The following RNGTT variants were observed in gnomAD, a reference collection of about 807,000 sequenced individuals.
RNGTT encodes RNA guanylyltransferase and 5'-phosphatase.
Under a neutral mutation model 79.3 loss-of-function variants are expected in RNGTT, and 33 were observed. The ratio of observed to expected loss-of-function variants is 0.42; its 90% CI spans 0.32 to 0.56. The LOEUF (loss-of-function observed/expected upper bound fraction) is 0.56. Ranked by LOEUF, RNGTT falls within the 20% of genes least tolerant of loss-of-function variation. The pLI is 0.17. For synonymous variants in RNGTT, 222 were observed against 235.9 expected (o/e 0.94, Z 0.54); for missense variants, 497 against 739.1 (o/e 0.67, Z 3.80).
chr6:88,804,413 G>C (rs1325995161), intron 11 of RNGTT, among the ~76,000 whole-genome samples: 3 of 152,126 alleles, frequency 2.0e-5, no homozygotes, highest in Admixed American at 6.5e-5. Context: ...GGAGGCTGAG[G>C]CAGGGGACTG....
chr6:88,707,057 A>C (rs775085114), intron 13 of RNGTT, among the ~76,000 whole-genome samples: 1 of 152,324 alleles, frequency 6.6e-6, no homozygotes, highest in East Asian at 1.9e-4. Context: ...TATTTGAGAA[A>C]TTTTGGCAAA....
intron 11 of RNGTT, among the ~76,000 whole-genome samples, chr6:88,833,217 A>G (rs1456675192): frequency 6.6e-6 from 1 of 152,244 alleles, no homozygotes; most frequent in Non-Finnish European, 1.5e-5. Flanking sequence ...AATGTGGCAC[A>G]TAGACACCAT....
intron 8 of RNGTT, among the ~76,000 whole-genome samples, chr6:88,858,567 T>A (rs1336757035): frequency 6.6e-6 from 1 of 152,200 alleles, no homozygotes; most frequent in African/African-American, 2.4e-5. Context: ...AAAAGAGCAC[T>A]TTTATTAACT....
rs927829016 is a variant in RNGTT at position 88,954,479 on chromosome 6, G to C, written c.64+8867C>G. Reference sequence around the variant, plus strand: ...ACCTAACCCTGGAGCTCCAAAATTTGTAAAGCAATTACTACTAGAGACCTA... The same window carrying C: ...ACCTAACCCTGGAGCTCCAAAATTTCTAAAGCAATTACTACTAGAGACCTA... On this transcript the variant is annotated intron_variant, in intron 1 of 15. Transcript: ENST00000369485. 2.6e-5 allele frequency among the ~76,000 whole-genome samples: 4 copies of C among 152,012 alleles called. No individual in the cohort carries two copies. In the East Asian group the frequency reaches 7.7e-4, roughly 29 times the overall value.
intron 11 of RNGTT, among the ~76,000 whole-genome samples, chr6:88,837,229 T>G (rs1219027724): frequency 1.3e-5 from 2 of 151,470 alleles, no homozygotes; most frequent in Non-Finnish European, 2.9e-5. Flanking sequence ...AGGCACTATC[T>G]CCACAAAAAA....
At chr6:88,700,198 C>A (rs1450785126) in intron 13 of RNGTT, among the ~76,000 whole-genome samples, 1 of 152,096 alleles carries the variant, frequency 6.6e-6, no homozygotes, top group East Asian at 1.9e-4. Flanking sequence ...ACTTCAAACA[C>A]ACTTCTCTGC....
intron 12 of RNGTT, among the ~76,000 whole-genome samples, chr6:88,791,408 G>A (rs1779404912): frequency 6.6e-6 from 1 of 151,536 alleles, no homozygotes; most frequent in Non-Finnish European, 1.5e-5. Flanking sequence ...CAAATTGCTG[G>A]GACCTCCAGA....
At chr6:88,623,881 G>A (rs888055586) in intron 14 of RNGTT, among the ~76,000 whole-genome samples, 5 of 152,006 alleles carry the variant, frequency 3.3e-5, no homozygotes, top group African/African-American at 1.2e-4. Context: ...ATCCAAAGAT[G>A]TTAAATACAT....
intron 8 of RNGTT, among the ~76,000 whole-genome samples, chr6:88,861,178 T>C (rs1373217051): frequency 1.3e-5 from 2 of 152,146 alleles, no homozygotes; most frequent in Non-Finnish European, 2.9e-5. Context: ...GGCACAGAAG[T>C]CCCTGAAAGC....
intron 14 of RNGTT, among the ~76,000 whole-genome samples, chr6:88,653,025 C>T (rs1773853644): frequency 6.6e-6 from 1 of 152,104 alleles, no homozygotes. Context: ...CATTATTTAT[C>T]AGACATGACT....
At chr6:88,740,076 T>G (rs1352806629) in intron 13 of RNGTT, among the ~76,000 whole-genome samples, 3 of 152,014 alleles carry the variant, frequency 2.0e-5, no homozygotes. Context: ...ATGTTCCTTT[T>G]TCAGAAGCAG....
At chr6:88,692,471 T>C (rs1014597850) in intron 13 of RNGTT, among the ~76,000 whole-genome samples, 2 of 150,826 alleles carry the variant, frequency 1.3e-5, no homozygotes, top group African/African-American at 4.9e-5. Context: ...AAAAGGGCTA[T>C]TGATAAATGT....
intron 14 of RNGTT, among the ~76,000 whole-genome samples, chr6:88,631,614 C>A (rs1015403449): frequency 6.6e-6 from 1 of 152,144 alleles, no homozygotes; most frequent in African/African-American, 2.4e-5. Flanking sequence ...AGTGCAGGAG[C>A]TGAGATCTTG....
rs1457042467 is a variant in RNGTT, at chr6:88,697,726, C to T, written c.1440-19307G>A. Among the ~76,000 whole-genome samples the T allele has an allele frequency of 6.6e-5, 10 of 150,438 alleles. No homozygotes were observed. In the Admixed American group the frequency reaches 6.7e-4, roughly 10 times the overall value. ...AATACAAAAAACAAAACAAAACAAGCCAGGTGTGGTGGTGCATGCCTGTGG... is the reference window on the plus strand; with the variant it reads ...AATACAAAAAACAAAACAAAACAAGTCAGGTGTGGTGGTGCATGCCTGTGG... On this transcript the variant is annotated intron_variant, in intron 13 of 15. Transcript: ENST00000369485.
intron 13 of RNGTT, among the ~76,000 whole-genome samples, chr6:88,710,980 C>T (rs1776298858): frequency 6.6e-6 from 1 of 152,102 alleles, no homozygotes. Context: ...ATGTTTTCAA[C>T]TATAAACCAT....
intron 14 of RNGTT, among the ~76,000 whole-genome samples, chr6:88,633,408 T>C (rs763035090): frequency 1.1e-4 from 17 of 152,196 alleles, no homozygotes; most frequent in Non-Finnish European, 2.1e-4. Context: ...TGGCATTGCA[T>C]CCTCCCCTCT....
rs117180896 is a variant in RNGTT, at chr6:88,874,554, T to C, written c.896+15941A>G. Reference sequence around the variant, plus strand: ...CAGATTCACAAAGAGGATAAAGTTTTTTCCCCTTTTTTATCCAAGCCAGCA... The same window carrying C: ...CAGATTCACAAAGAGGATAAAGTTTCTTCCCCTTTTTTATCCAAGCCAGCA... On this transcript the variant is annotated intron_variant, in intron 8 of 15. Transcript: ENST00000369485. Among the ~76,000 whole-genome samples, 1,399 of 152,248 alleles carry C rather than the reference T, an allele frequency of 9.2e-3. 13 individuals are homozygous for C. The highest frequency in any genetic ancestry group is 0.014 in the Non-Finnish European group (947 of 67,948).
chr6:88,857,841 C>G (rs1453733108), intron 8 of RNGTT, among the ~76,000 whole-genome samples: 56 of 152,074 alleles, frequency 3.7e-4, no homozygotes, highest in Admixed American at 3.6e-3. Flanking sequence ...ATTTGCTTTC[C>G]TCATTAAGCT....
intron 13 of RNGTT, among the ~76,000 whole-genome samples, 161 bp downstream of exon 13, chr6:88,769,613 G>A (rs544741798): frequency 6.6e-6 from 1 of 152,126 alleles, no homozygotes; most frequent in African/African-American, 2.4e-5. Flanking sequence ...CTCTGAAAAC[G>A]AAATTGTTGT....
Sources: gnomAD v4.1 joint callset for allele counts (sites outside exome capture counted in the v4.1 genomes callset) on GRCh38, gnomAD v4.1.1 for gene constraint, MANE v1.5 for transcripts, NCBI Gene and HGNC (gene_info 2026-07-23, HGNC 2026-07-21) for gene names.